The following CHD3 variants were observed in gnomAD, a reference collection of about 807,000 sequenced individuals.
The protein encoded by CHD3 is chromodomain helicase DNA binding protein 3, also known as ATP-dependent chromatin remodeler CHD3.
CHD3 carries 52 observed loss-of-function variants against 248.9 expected under a neutral mutation model. The ratio of observed to expected loss-of-function variants is 0.21; its 90% CI spans 0.17 to 0.26. The LOEUF is 0.26. CHD3 is among the 10% of genes least tolerant of loss of function. The pLI is 1.00. For synonymous variants in CHD3, 985 were observed against 985.2 expected (o/e 1.00, Z 0.00); for missense variants, 1,482 against 2,605.8 (o/e 0.57, Z 9.39).
intron 7 of CHD3, 51 bp downstream of exon 7, chr17:7,894,316 C>A: frequency 6.3e-7 from 1 of 1,595,310 alleles, no homozygotes; most frequent in Non-Finnish European, 8.6e-7. Flanking sequence ...TCCTCTCATT[C>A]TTATTTTCAA....
rs187617703 is a variant in CHD3 at position 7,894,370 on chromosome 17, T to C, written c.1076-45T>C. On this transcript the variant is annotated intron_variant, in intron 7 of 39. Coordinates refer to ENST00000330494, the MANE Select transcript of CHD3 (RefSeq NM_001005273.3). ...ACCCTTCTCCCTCTCTCTCTCCATC[T>C]CCCCCTGCCCTGCTTCCTTATCCCT... is the stretch of plus-strand genomic sequence containing the variant. The C allele has an allele frequency of 2.8e-5, 44 of 1,589,050 alleles. No individual in the cohort carries two copies. The East Asian group carries it at 9.2e-4, about 33-fold the overall frequency.
chr17:7,908,817 C>G lies in CHD3; in HGVS notation c.5382C>G (p.Ala1794=). 6.2e-7 allele frequency: 1 copy of G among 1,614,010 alleles called. No individual in the cohort carries two copies. The highest frequency in any genetic ancestry group is 8.5e-7 in the Non-Finnish European group (1 of 1,180,000). ...TGGAGATGAAAAATAAGTTCCTGGC[C>G]CGGAGGTTCAAGGTGGGAATGAGGG... ...NFLEMKNKFL[A]RRFKLLEQAL... Residue 1794 remains alanine, a synonymous_variant, in exon 36 of 40, where the codon GCC becomes GCG. Coordinates refer to ENST00000330494, the MANE Select transcript of CHD3 (RefSeq NM_001005273.3). This position sits in a 1 kb window ranked among gnomAD's most constrained non-coding sequence, Gnocchi z 5.8.
At chr17:7,890,498 T>G in intron 2 of CHD3, 73 bp from the exon 3 acceptor site, 1 of 1,028,764 alleles carries the variant, frequency 9.7e-7, no homozygotes, top group Non-Finnish European at 1.4e-6. Context: ...AGAGGTAAGA[T>G]ATGGTATGTG....
rs780964961 is a variant in CHD3, at chr17:7,893,462, C to T, written c.686C>T (p.Ser229Leu). 1.1e-5 allele frequency: 18 copies of T among 1,610,354 alleles called. No homozygotes were observed. The highest frequency in any genetic ancestry group is 4.5e-5 in the East Asian group (2 of 44,784). Residue 229 changes from serine to leucine, a missense_variant, in exon 5 of 40, where the codon TCG (serine) becomes TTG (leucine). By Grantham distance (145) the Ser-to-Leu change is moderately radical. Transcript: ENST00000330494. ...AVAEQVSAAVSSATPIAPSGP... is the reference protein window; with the variant it reads ...AVAEQVSAAVLSATPIAPSGP... ...GCTGAGCAGGTGTCAGCTGCTGTCT[C>T]GTCGGCCACCCCCATAGCACCCTCC...
chr17:7,890,162 G>T (rs981432400), intron 2 of CHD3, among the ~76,000 whole-genome samples: 5 of 152,190 alleles, frequency 3.3e-5, no homozygotes, highest in Non-Finnish European at 7.3e-5. Context: ...CGGTTGCAGT[G>T]GCTCACGCCT....
At chr17:7,887,596 T>C (rs1404974522), upstream of CHD3, among the ~76,000 whole-genome samples, 2 of 148,808 alleles carry the variant, frequency 1.3e-5, no homozygotes, top group Non-Finnish European at 3.0e-5. Context: ...TGGTGCGTTG[T>C]GGGGGAGGGA....
Position 7,895,598 on chromosome 17 carries a change from C to A in CHD3, c.1707+56C>A. ...ATGACCTCATTTCCTGCCATCCTCT[C>A]CCTCTCTTACTCCTCTGTTTGTTGG... On this transcript the variant is annotated intron_variant, in intron 10 of 39. Transcript: ENST00000330494. The surrounding 1 kb of genome is among the most constrained non-coding windows in gnomAD (Gnocchi z 4.9). The A allele has an allele frequency of 1.4e-6, 2 of 1,443,146 alleles. No individual in the cohort carries two copies. Among genetic ancestry groups the A allele is most frequent in the Non-Finnish European group, 1.9e-6 (2 of 1,029,938 alleles). The allele number at this position is 1,443,146 out of a possible 1,614,324, so 89.4% of individuals were successfully genotyped here.
chr17:7,905,921 A>G lies in CHD3; in HGVS notation c.4290A>G (p.Pro1430=). Residue 1430 remains proline, a synonymous_variant, in exon 28 of 40, where the codon CCA becomes CCG. Transcript: ENST00000330494. This position sits in a 1 kb window ranked among gnomAD's most constrained non-coding sequence, Gnocchi z 5.8. ...ATGCTGTGATGCGCTGGGGGATGCC[A>G]CCACAGGATGCCTTCACCACACAGT... is the stretch of plus-strand genomic sequence containing the variant. ...FLNAVMRWGM[P]PQDAFTTQWL... is the part of the protein sequence containing the mutation. 6.2e-7 allele frequency: 1 copy of G among 1,614,150 alleles called. No homozygotes were observed. The highest frequency in any genetic ancestry group is 8.5e-7 in the Non-Finnish European group (1 of 1,180,008).
chr17:7,906,017 T>C lies in CHD3; in HGVS notation c.4358+28T>C. The C allele has an allele frequency of 6.2e-7, 1 of 1,612,308 alleles. No individual in the cohort carries two copies. On this transcript the variant is annotated intron_variant, in intron 28 of 39. Coordinates refer to ENST00000330494, the MANE Select transcript of CHD3 (RefSeq NM_001005273.3). The surrounding 1 kb of genome is among the most constrained non-coding windows in gnomAD (Gnocchi z 5.0). Reference sequence around the variant, plus strand: ...GAGTGTGGGTGATACAGGGCTGAGTTGGACGCAAGGGGAAGAGCTTTGGGT... The same window carrying C: ...GAGTGTGGGTGATACAGGGCTGAGTCGGACGCAAGGGGAAGAGCTTTGGGT...
chr17:7,894,358 T>C lies in CHD3; in HGVS notation c.1076-57T>C, dbSNP rs1419691351. On this transcript the variant is annotated intron_variant, in intron 7 of 39. Transcript: ENST00000330494. ...CTTCTCTCTTCAACCCTTCTCCCTC[T>C]CTCTCTCCATCTCCCCCTGCCCTGC... is the stretch of plus-strand genomic sequence containing the variant. 3.8e-6 allele frequency: 6 copies of C among 1,587,988 alleles called. No individual in the cohort carries two copies. In the Admixed American group the frequency reaches 5.1e-5, roughly 14 times the overall value.
chr17:7,899,846 G>A lies in CHD3; in HGVS notation c.2545-50G>A, dbSNP rs1970108376. 6.3e-7 allele frequency: 1 copy of A among 1,597,144 alleles called. No homozygotes were observed. Among genetic ancestry groups the A allele is most frequent in the Non-Finnish European group, 8.6e-7 (1 of 1,168,932 alleles). On this transcript the variant is annotated intron_variant, in intron 15 of 39. Transcript: ENST00000330494. This position sits in a 1 kb window ranked among gnomAD's most constrained non-coding sequence, Gnocchi z 6.8. ...CAAGGTGTCTGGTTCTGGAGGTGTAGGTGCATGGTTGTCAGGTGGCAGCTG... is the reference window on the plus strand; with the variant it reads ...CAAGGTGTCTGGTTCTGGAGGTGTAAGTGCATGGTTGTCAGGTGGCAGCTG...
At position 7,903,684 on chromosome 17, in the gene CHD3, A is replaced by G. The variant is rs1970568950; in HGVS notation, c.3728-141A>G. ...TTTGCCTGTAGGGTTAAAACAAACA[A>G]AACAAAAACCTTTCAACATTGGCTC... On this transcript the variant is annotated intron_variant, in intron 23 of 39. Transcript: ENST00000330494. The surrounding 1 kb of genome is among the most constrained non-coding windows in gnomAD (Gnocchi z 6.8). 17 of 1,119,356 alleles carry G rather than the reference A, an allele frequency of 1.5e-5. No individual in the cohort carries two copies. The South Asian group carries it at 2.8e-4, about 18-fold the overall frequency. The allele number at this position is 1,119,356 out of a possible 1,614,324, so 69.3% of individuals were successfully genotyped here. A position where few individuals can be genotyped will look rare whatever the true frequency, so the allele number is the denominator to read the frequency against.
At position 7,904,723 on chromosome 17, in the gene CHD3, G is replaced by C. The variant is rs937299140; in HGVS notation, c.4072+104G>C. ...GGGAAAGAGAGAAGCCTAGAAGTCA[G>C]AGCCTTCCTCTGCTAAAAGGGAAAG... On this transcript the variant is annotated intron_variant, in intron 25 of 39. Transcript: ENST00000330494. This position sits in a 1 kb window ranked among gnomAD's most constrained non-coding sequence, Gnocchi z 4.4. 6.4e-6 allele frequency: 7 copies of C among 1,093,214 alleles called. No homozygotes were observed. The highest frequency in any genetic ancestry group is 9.1e-6 in the Non-Finnish European group (7 of 767,648). The allele number at this position is 1,093,214 out of a possible 1,614,324, so 67.7% of individuals were successfully genotyped here. A position where few individuals can be genotyped will look rare whatever the true frequency, so the allele number is the denominator to read the frequency against.
upstream of CHD3, among the ~76,000 whole-genome samples, chr17:7,886,294 A>AC (rs960554850): frequency 6.6e-6 from 1 of 151,934 alleles, no homozygotes; most frequent in African/African-American, 2.4e-5. This position sits in a 1 kb window ranked among gnomAD's most constrained non-coding sequence, Gnocchi z 4.2. Context: ...CCCTCAGACC[A>AC]CCCTCCTAGT....
chr17:7,907,310 T>C lies in CHD3; in HGVS notation c.4789-43T>C. The C allele has an allele frequency of 6.2e-7, 1 of 1,612,244 alleles. No individual in the cohort carries two copies. Among genetic ancestry groups the C allele is most frequent in the African/African-American group, 1.3e-5 (1 of 75,016 alleles). ...GGAGGGGGCTTGGAGGCCAGGTACC[T>C]GGGAGCCCTCTGGCTCATCCTGACC... On this transcript the variant is annotated intron_variant, in intron 31 of 39. Transcript: ENST00000330494. The surrounding 1 kb of genome is among the most constrained non-coding windows in gnomAD (Gnocchi z 4.3).
At position 7,899,291 on chromosome 17, in the gene CHD3, G is replaced by C; in HGVS notation, c.2344-52G>C. The C allele has an allele frequency of 6.2e-7, 1 of 1,603,910 alleles. No homozygotes were observed. The highest frequency in any genetic ancestry group is 8.5e-7 in the Non-Finnish European group (1 of 1,171,192). On this transcript the variant is annotated intron_variant, in intron 14 of 39. Coordinates refer to ENST00000330494, the MANE Select transcript of CHD3 (RefSeq NM_001005273.3). This position sits in a 1 kb window ranked among gnomAD's most constrained non-coding sequence, Gnocchi z 6.8. ...AAGGGGTGTAGCTGGCAGAGGACTA[G>C]GGTATACGGCCTCTAGCCTAGACTT...
rs116670269 is a variant in CHD3 at position 7,894,100 on chromosome 17, C to A, written c.925-15C>A. 1.9e-6 allele frequency: 3 copies of A among 1,591,542 alleles called. No individual in the cohort carries two copies. The highest frequency in any genetic ancestry group is 1.7e-5 in the Admixed American group (1 of 58,730). On this transcript the variant is annotated splice_polypyrimidine_tract_variant and intron_variant, in intron 6 of 39. Coordinates refer to ENST00000330494, the MANE Select transcript of CHD3 (RefSeq NM_001005273.3). ...ATGAAGTCTGCCTCACTGACGGCCA[C>A]GGGGCTATGGGCAGTATGTTTTTCA... is the stretch of plus-strand genomic sequence containing the variant.
upstream of CHD3, chr17:7,885,010 C>G: frequency 8.1e-7 from 1 of 1,229,666 alleles, no homozygotes; most frequent in Non-Finnish European, 1.0e-6. Flanking sequence ...ACAGCCCCCC[C>G]GGCTGCCACC....
At chr17:7,898,379 A>G in intron 12 of CHD3, 117 bp from the exon 13 acceptor site, 2 of 844,346 alleles carry the variant, frequency 2.4e-6, no homozygotes, top group Non-Finnish European at 1.9e-6. Context: ...CCTGGGAAAA[A>G]GGAAATATGG....
Sources: allele counts gnomAD v4.1 joint callset (sites outside exome capture counted in the v4.1 genomes callset), GRCh38; gene constraint gnomAD v4.1.1; non-coding constraint Gnocchi (gnomAD v3.1); transcripts MANE v1.5; gene names NCBI Gene and HGNC (gene_info 2026-07-23, HGNC 2026-07-21).